LPXN: variants seen among roughly 807,000 people sequenced by gnomAD.
LPXN encodes leupaxin.
A neutral mutation model predicts 45.6 loss-of-function variants in LPXN; 28 were observed. That is an observed-to-expected ratio of 0.61 (90% confidence interval 0.45 to 0.84). LPXN has a LOEUF of 0.84. LPXN is among the 40% of genes least tolerant of loss of function. The pLI is 0.00. For missense variants in LPXN, 459 were observed against 475.0 expected, an observed-to-expected ratio of 0.97 and a Z score of 0.31; for synonymous variants, 166 against 169.9, an observed-to-expected ratio of 0.98 and a Z score of 0.18.
rs567643613 is a variant in LPXN, at chr11:58,528,805, C to CATATATTTGA, written c.743-624_743-615dup. 3.1e-4 allele frequency among the ~76,000 whole-genome samples: 47 copies of CATATATTTGA among 152,162 alleles called. 2 individuals are homozygous for CATATATTTGA. The South Asian group carries it at 9.7e-3, about 32-fold the overall frequency. ...AAGATCTAAACACAATGACTCATAC[C>CATATATTTGA]ATATATTTGAATTAAAAATAGATGT... is the stretch of plus-strand genomic sequence containing the variant. On this transcript the variant is annotated intron_variant, in intron 7 of 8. Coordinates refer to ENST00000395074, the MANE Select transcript of LPXN (RefSeq NM_004811.3).
At chr11:58,544,854 T>C (rs1853831115) in intron 7 of LPXN, among the ~76,000 whole-genome samples, 1 of 152,096 alleles carries the variant, frequency 6.6e-6, no homozygotes, top group African/African-American at 2.4e-5. Context: ...AGGTAGACAT[T>C]GAAGAGCTCA....
chr11:58,536,136 C>A (rs1045893234), intron 7 of LPXN, among the ~76,000 whole-genome samples: 2 of 152,186 alleles, frequency 1.3e-5, no homozygotes, highest in African/African-American at 4.8e-5. Flanking sequence ...CATTGACTTT[C>A]TTCATAGAAT....
chr11:58,576,487 A>G (rs911117875), upstream of LPXN, among the ~76,000 whole-genome samples: 1 of 152,206 alleles, frequency 6.6e-6, no homozygotes, highest in African/African-American at 2.4e-5. Context: ...ATCCCTGCCT[A>G]GATACACTGC....
upstream of LPXN, among the ~76,000 whole-genome samples, chr11:58,576,530 G>A (rs1027573949): frequency 2.0e-5 from 3 of 152,114 alleles, no homozygotes; most frequent in East Asian, 1.9e-4. Flanking sequence ...GTAACACTGA[G>A]GTTAACTCTT....
chr11:58,561,576 G>A (rs1193291705), intron 3 of LPXN, among the ~76,000 whole-genome samples: 2 of 152,164 alleles, frequency 1.3e-5, no homozygotes, highest in Admixed American at 6.5e-5. Context: ...TAATCCTTTC[G>A]TAGCTGCTGC....
intron 3 of LPXN, among the ~76,000 whole-genome samples, chr11:58,555,187 G>T (rs1266803565): frequency 6.6e-6 from 1 of 152,078 alleles, no homozygotes; most frequent in Non-Finnish European, 1.5e-5. Flanking sequence ...TCTCCTGTCA[G>T]TTTTTGTCAA....
intron 7 of LPXN, among the ~76,000 whole-genome samples, chr11:58,547,930 G>A (rs1332334137): frequency 6.6e-6 from 1 of 151,800 alleles, no homozygotes; most frequent in Non-Finnish European, 1.5e-5. Flanking sequence ...TTCCATATTT[G>A]TTCAAAACAA....
upstream of LPXN, chr11:58,578,124 C>G (rs1369074124): frequency 6.6e-7 from 1 of 1,510,906 alleles, no homozygotes; most frequent in Non-Finnish European, 8.9e-7. Context: ...GCAGACACCC[C>G]GAGAAAGGTA....
intron 7 of LPXN, among the ~76,000 whole-genome samples, chr11:58,531,684 T>C (rs1486747606): frequency 6.6e-6 from 1 of 152,104 alleles, no homozygotes. Flanking sequence ...CAGGCCAACA[T>C]TCAAATTCAG....
intron 7 of LPXN, among the ~76,000 whole-genome samples, chr11:58,538,982 GACTT>G (rs1308727567): frequency 8.9e-6 from 1 of 112,922 alleles, no homozygotes; most frequent in Admixed American, 1.1e-4. Flanking sequence ...ATGAACTCAT[GACTT>G]ACTTTTCTTT....
At chr11:58,538,993 C>T (rs1853635317) in intron 7 of LPXN, among the ~76,000 whole-genome samples, 1 of 28,486 alleles carries the variant, frequency 3.5e-5, no homozygotes, top group Admixed American at 6.1e-4. Context: ...ACTTACTTTT[C>T]TTTAAAAAAA....
At chr11:58,556,684 A>C (rs1854213401) in intron 3 of LPXN, among the ~76,000 whole-genome samples, 1 of 152,166 alleles carries the variant, frequency 6.6e-6, no homozygotes, top group Non-Finnish European at 1.5e-5. Flanking sequence ...AGATACAAGA[A>C]TGAAATGAAA....
At chr11:58,565,659 G>T (rs544616699) in intron 2 of LPXN, among the ~76,000 whole-genome samples, 1 of 151,906 alleles carries the variant, frequency 6.6e-6, no homozygotes, top group Non-Finnish European at 1.5e-5. Context: ...AAGTGATAGT[G>T]ATACAAAGTT....
chr11:58,527,940 C>A, intron 8 of LPXN, 103 bp downstream of exon 8: 6 of 1,347,948 alleles, frequency 4.5e-6, no homozygotes, highest in Non-Finnish European at 6.2e-6. Context: ...CACATCCATT[C>A]CTCATTCAGG....
intron 3 of LPXN, among the ~76,000 whole-genome samples, chr11:58,555,263 C>G (rs573452426): frequency 6.6e-6 from 1 of 152,110 alleles, no homozygotes; most frequent in African/African-American, 2.4e-5. Context: ...TCAAATCTGG[C>G]CATGTCCATT....
chr11:58,530,346 A>G (rs1463564831), intron 7 of LPXN, among the ~76,000 whole-genome samples: 1 of 152,162 alleles, frequency 6.6e-6, no homozygotes, highest in African/African-American at 2.4e-5. Context: ...GACCTGGGAT[A>G]CTAGAATTTG....
chr11:58,562,699 G>A (rs1854413579), intron 3 of LPXN, among the ~76,000 whole-genome samples: 1 of 152,164 alleles, frequency 6.6e-6, no homozygotes, highest in East Asian at 1.9e-4. Context: ...CCAGAGCTAG[G>A]GGCCCAAGTC....
intron 7 of LPXN, among the ~76,000 whole-genome samples, chr11:58,542,192 A>G (rs1430317813): frequency 6.6e-6 from 1 of 151,628 alleles, no homozygotes; most frequent in East Asian, 1.9e-4. Context: ...AAGTATAATA[A>G]TAATAAAAAT....
intron 3 of LPXN, among the ~76,000 whole-genome samples, chr11:58,556,105 T>C (rs1854194099): frequency 1.3e-5 from 2 of 152,020 alleles, no homozygotes; most frequent in African/African-American, 4.8e-5. Context: ...AAAAACGATG[T>C]GCATGTGTGA....
Sources: allele counts gnomAD v4.1 joint callset (sites outside exome capture counted in the v4.1 genomes callset), GRCh38; gene constraint gnomAD v4.1.1; transcripts MANE v1.5; gene names NCBI Gene and HGNC (gene_info 2026-07-23, HGNC 2026-07-21).